The following MCCC1 variants were observed in gnomAD, a reference collection of about 807,000 sequenced individuals.
MCCC1 encodes the protein methylcrotonoyl-CoA carboxylase subunit alpha, mitochondrial.
In MCCC1, 64 loss-of-function variants were observed where a neutral mutation model predicts 83.8. The ratio of observed to expected loss-of-function variants is 0.76; its 90% CI spans 0.62 to 0.94. MCCC1 has a LOEUF of 0.94. Among genes scored for constraint, MCCC1 ranks in the 40% least tolerant of loss-of-function variants. The probability of loss-of-function intolerance (pLI) is 0.00; values close to 1 mark genes in which losing one functional copy is unlikely to be tolerated. For missense variants in MCCC1, 807 were observed against 904.7 expected, an observed-to-expected ratio of 0.89 and a Z score of 1.39; for synonymous variants, 322 against 315.4, an observed-to-expected ratio of 1.02 and a Z score of -0.22.
chr3:183,028,303 T>C (rs1003491992), intron 14 of MCCC1, among the ~76,000 whole-genome samples: 1 of 152,186 alleles, frequency 6.6e-6, no homozygotes, highest in African/African-American at 2.4e-5. Flanking sequence ...AAGATTCCTT[T>C]CAAAATATTA....
rs563013340 is a variant in MCCC1, at chr3:183,045,142, G to A, written c.1083+271C>T. On this transcript the variant is annotated intron_variant, in intron 10 of 18. Coordinates refer to ENST00000265594, the MANE Select transcript of MCCC1 (RefSeq NM_020166.5). The stretch of plus-strand genomic sequence containing the variant: ...AGTACCCAGGCTGGAATGCAGTGGC[G>A]CGATCTCGGCTTACTGCAACCTCTG... Among the ~76,000 whole-genome samples, 8 of 150,088 alleles carry A rather than the reference G, an allele frequency of 5.3e-5. No individual in the cohort carries two copies. In the South Asian group the frequency reaches 6.3e-4, roughly 12 times the overall value.
intron 17 of MCCC1, among the ~76,000 whole-genome samples, chr3:183,018,779 G>C (rs1041790784): frequency 2.0e-5 from 3 of 152,100 alleles, no homozygotes; most frequent in African/African-American, 7.2e-5. Context: ...TTCTTGTTTT[G>C]GGGTTGTCTA....
intron 14 of MCCC1, among the ~76,000 whole-genome samples, chr3:183,030,216 G>C (rs2108453877): frequency 6.6e-6 from 1 of 152,256 alleles, no homozygotes; most frequent in Admixed American, 6.5e-5. Flanking sequence ...GCTGAGGCAG[G>C]AGAATCGCTT....
At chr3:183,022,285 G>A (rs1410399499) in intron 16 of MCCC1, 132 bp downstream of exon 16, 20 of 1,072,362 alleles carry the variant, frequency 1.9e-5, no homozygotes, top group Non-Finnish European at 2.7e-5. Context: ...AATGGTGGGG[G>A]AAACTGAGGG....
chr3:183,107,530 ATTAT>A lies in MCCC1; in HGVS notation c.-102+7940_-102+7943del, dbSNP rs1298858647. Reference sequence around the variant, plus strand: ...TGTTTTTATTATTATTATTATTATTATTATTTGTTGTTGTTGTTGTTGTTGTTGT... The same window carrying A: ...TGTTTTTATTATTATTATTATTATTATTGTTGTTGTTGTTGTTGTTGTTGT... On this transcript the variant is annotated intron_variant, in intron 1 of 17. Coordinates refer to the MCCC1 transcript ENST00000492597. Among the ~76,000 whole-genome samples, 4 of 150,626 alleles carry A rather than the reference ATTAT, an allele frequency of 2.7e-5. No homozygotes were observed. In the East Asian group the frequency reaches 7.8e-4, roughly 29 times the overall value.
chr3:183,064,629 C>T lies in MCCC1; in HGVS notation c.761+6370G>A, dbSNP rs1207368337. On this transcript the variant is annotated intron_variant, in intron 7 of 18. Coordinates refer to ENST00000265594, the MANE Select transcript of MCCC1 (RefSeq NM_020166.5). This position sits in a 1 kb window ranked among gnomAD's most constrained non-coding sequence, Gnocchi z 4.5. Reference sequence around the variant, plus strand: ...CGCCGGCTGCGGTACGCCTCCTGCGCGTTGCCGAAGTCCACTGCGGGCACC... The same window carrying T: ...CGCCGGCTGCGGTACGCCTCCTGCGTGTTGCCGAAGTCCACTGCGGGCACC... Among the ~76,000 whole-genome samples, 2 of 152,202 alleles carry T rather than the reference C, an allele frequency of 1.3e-5. No homozygotes were observed. The highest frequency in any genetic ancestry group is 2.9e-5 in the Non-Finnish European group (2 of 68,022).
At chr3:183,069,979 G>A (rs1716530987) in intron 7 of MCCC1, among the ~76,000 whole-genome samples, 2 of 152,206 alleles carry the variant, frequency 1.3e-5, no homozygotes, top group East Asian at 3.8e-4. Flanking sequence ...TAACAGCTGA[G>A]TGACCTCAGA....
intron 10 of MCCC1, among the ~76,000 whole-genome samples, chr3:183,043,480 T>C (rs1332134252): frequency 1.3e-5 from 2 of 152,214 alleles, no homozygotes; most frequent in East Asian, 3.8e-4. Flanking sequence ...CTGAACACTG[T>C]TAACTATCTG....
intron 7 of MCCC1, among the ~76,000 whole-genome samples, chr3:183,066,167 C>A (rs7613986): frequency 0.056 from 8,552 of 152,212 alleles, 707 homozygotes; most frequent in African/African-American, 0.17. Flanking sequence ...ATAATTATAA[C>A]TGTTACATAA....
intron 4 of MCCC1, among the ~76,000 whole-genome samples, chr3:183,073,152 CTGTTT>C (rs932297276): frequency 1.3e-5 from 2 of 152,192 alleles, no homozygotes; most frequent in African/African-American, 2.4e-5. Flanking sequence ...ATACAAGTAT[CTGTTT>C]TGAGTCCCTG....
chr3:183,072,229 C>A, intron 5 of MCCC1, 137 bp downstream of exon 5: 1 of 1,041,360 alleles, frequency 9.6e-7, no homozygotes, highest in South Asian at 1.5e-5. Context: ...CCAGGCTGGT[C>A]TTGAATTCCT....
intron 8 of MCCC1, among the ~76,000 whole-genome samples, chr3:183,054,373 G>C (rs1379717804): frequency 6.6e-6 from 1 of 151,588 alleles, no homozygotes; most frequent in Non-Finnish European, 1.5e-5. Context: ...ATTTTTAGTA[G>C]AGACGGGGTT....
In MCCC1 at chr3:183,036,537, CTTT is replaced by C. The variant is rs11411314; in HGVS notation, c.1594+678_1594+680del. ...GTTTGACTGAAAAGAGATCCATTTC[CTTT>C]TTTTTTTTTTTTTTTTTTAGATGAA... is the stretch of plus-strand genomic sequence containing the variant. On this transcript the variant is annotated intron_variant, in intron 13 of 18. Coordinates refer to ENST00000265594, the MANE Select transcript of MCCC1 (RefSeq NM_020166.5). 1.1e-4 allele frequency among the ~76,000 whole-genome samples: 13 copies of C among 117,664 alleles called. No individual in the cohort carries two copies. The South Asian group carries it at 2.4e-3, about 22-fold the overall frequency. 77.2% of individuals were successfully genotyped at this position (117,664 alleles called of 152,430 possible).
chr3:183,085,249 C>T (rs984118897), intron 4 of MCCC1, among the ~76,000 whole-genome samples: 2 of 152,082 alleles, frequency 1.3e-5, no homozygotes, highest in Non-Finnish European at 2.9e-5. Context: ...CTTCAATCAT[C>T]CATTTCCCCA....
exon 1 of MCCC1, chr3:183,116,067 G>A (rs1375371843): frequency 2.0e-5 from 3 of 152,530 alleles, no homozygotes; most frequent in African/African-American, 4.8e-5. Flanking sequence ...GAAACCCTCA[G>A]AAGCCTCCAA....
chr3:183,114,675 C>T (rs1004526165), intron 1 of MCCC1, among the ~76,000 whole-genome samples: 2 of 152,200 alleles, frequency 1.3e-5, no homozygotes, highest in Non-Finnish European at 2.9e-5. Context: ...TCTTCACAGG[C>T]TCTTCCTCCT....
chr3:183,079,800 A>C (rs904608995), intron 4 of MCCC1, among the ~76,000 whole-genome samples: 10 of 152,214 alleles, frequency 6.6e-5, no homozygotes, highest in Non-Finnish European at 1.5e-4. Flanking sequence ...CCTGGCATCC[A>C]GGAGTTTCCA....
intron 13 of MCCC1, among the ~76,000 whole-genome samples, chr3:183,034,597 A>G (rs1713403867): frequency 6.6e-6 from 1 of 152,176 alleles, no homozygotes; most frequent in African/African-American, 2.4e-5. Context: ...TCTATTGAAG[A>G]ATCTGAATAT....
intron 9 of MCCC1, 116 bp downstream of exon 9, chr3:183,052,043 G>T (rs1715019113): frequency 1.1e-6 from 1 of 883,364 alleles, no homozygotes; most frequent in Non-Finnish European, 1.9e-6. Flanking sequence ...TTCTTACTGT[G>T]AATATGGTCA....
Sources: gnomAD v4.1 joint callset for allele counts (sites outside exome capture counted in the v4.1 genomes callset) on GRCh38, gnomAD v4.1.1 for gene constraint, Gnocchi (gnomAD v3.1) non-coding constraint, MANE v1.5 for transcripts, NCBI Gene and HGNC (gene_info 2026-07-23, HGNC 2026-07-21) for gene names.